The following ARHGAP24 variants were observed in gnomAD, a reference collection of about 807,000 sequenced individuals.
The protein encoded by ARHGAP24 is rho GTPase-activating protein 24.
A neutral mutation model predicts 76.4 loss-of-function variants in ARHGAP24; 50 were observed. That is an observed-to-expected ratio of 0.65 (90% CI 0.52 to 0.83). The LOEUF is 0.83. ARHGAP24 is among the 40% of genes least tolerant of loss of function. The pLI is 0.00. For synonymous variants in ARHGAP24, 345 were observed against 323.3 expected (o/e 1.07, Z -0.72); for missense variants, 930 against 914.2 (o/e 1.02, Z -0.22).
chr4:85,871,744 C>T (rs927515108), intron 3 of ARHGAP24, among the ~76,000 whole-genome samples: 6 of 152,084 alleles, frequency 3.9e-5, no homozygotes, highest in African/African-American at 1.4e-4. Context: ...AACTGAGGGG[C>T]CTTGAAGCTT....
At position 85,971,990 on chromosome 4, in the gene ARHGAP24, T is replaced by C. The variant is rs561381979; in HGVS notation, c.600-46T>C. On this transcript the variant is annotated intron_variant, in intron 5 of 9. Transcript: ENST00000395184. ...TCTTGAAAAACAATAAATAGAATGG[T>C]ATGAAGTTTACTCCAAAGAATATCT... 1,407 of 1,613,662 alleles carry C rather than the reference T, an allele frequency of 8.7e-4. 20 individuals are homozygous for C. The South Asian group carries it at 0.015, about 17-fold the overall frequency.
chr4:85,601,110 C>A (rs1560547934), intron 2 of ARHGAP24, among the ~76,000 whole-genome samples: 1 of 152,070 alleles, frequency 6.6e-6, no homozygotes, highest in Non-Finnish European at 1.5e-5. Context: ...TCTAAAGAGA[C>A]TTTTATTTCA....
intron 3 of ARHGAP24, among the ~76,000 whole-genome samples, chr4:85,888,299 C>T (rs374154707): frequency 6.6e-6 from 1 of 150,802 alleles, no homozygotes; most frequent in Non-Finnish European, 1.5e-5. Flanking sequence ...ACTTGGGAGG[C>T]TGATACAGGA....
At chr4:85,818,059 TA>T (rs1729315863) in intron 3 of ARHGAP24, among the ~76,000 whole-genome samples, 1 of 152,210 alleles carries the variant, frequency 6.6e-6, no homozygotes, top group South Asian at 2.1e-4. Flanking sequence ...GCAGATGGTT[TA>T]AATGACATTA....
In ARHGAP24 at chr4:85,942,211, G is replaced by C. The variant is rs1473315079; in HGVS notation, c.537G>C (p.Gln179His). ...KEEGLFRLPG[Q>H]ANLVKELQDA... ...AGGGTCTCTTTCGACTGCCAGGCCA[G>C]GCTAATCTTGTTAAGGAGCTCCAAG... Residue 179 changes from glutamine (Q) to histidine (H), a missense_variant, in exon 5 of 10, where the codon CAG (glutamine) becomes CAC (histidine). By Grantham distance (24) the Gln-to-His change is conservative. Coordinates refer to ENST00000395184, the MANE Select transcript of ARHGAP24 (RefSeq NM_001025616.3). The C allele has an allele frequency of 1.2e-6, 2 of 1,614,096 alleles. No homozygotes were observed. The highest frequency in any genetic ancestry group is 4.5e-5 in the East Asian group (2 of 44,880).
At chr4:85,742,991 G>T (rs1725880649) in intron 3 of ARHGAP24, among the ~76,000 whole-genome samples, 1 of 152,122 alleles carries the variant, frequency 6.6e-6, no homozygotes, top group Admixed American at 6.5e-5. Context: ...CCTGGAGATG[G>T]AAGTTCTGAA....
chr4:86,000,329 T>C, intron 9 of ARHGAP24, 150 bp from the exon 10 acceptor site: 1 of 675,338 alleles, frequency 1.5e-6, no homozygotes, highest in Non-Finnish European at 2.6e-6. Flanking sequence ...TTACATCCTT[T>C]AAATCATTGA....
rs1274892767 is a variant in ARHGAP24 at position 85,644,265 on chromosome 4, G to A, written c.180+73544G>A. ...CATAAGAACTGCTTGATAATGATCAGATGTTAGCATGATTAGTACTTGGAG... is the reference window on the plus strand; with the variant it reads ...CATAAGAACTGCTTGATAATGATCAAATGTTAGCATGATTAGTACTTGGAG... On this transcript the variant is annotated intron_variant, in intron 2 of 9. Coordinates refer to ENST00000395184, the MANE Select transcript of ARHGAP24 (RefSeq NM_001025616.3). Among the ~76,000 whole-genome samples, 4 of 152,276 alleles carry A rather than the reference G, an allele frequency of 2.6e-5. No homozygotes were observed. In the East Asian group the frequency reaches 7.7e-4, roughly 29 times the overall value.
chr4:85,742,703 T>G (rs905009900), intron 3 of ARHGAP24, among the ~76,000 whole-genome samples: 2 of 152,216 alleles, frequency 1.3e-5, no homozygotes, highest in Admixed American at 6.5e-5. Context: ...GACTCCAAAG[T>G]ATGTGCTGTT....
Position 85,942,219 on chromosome 4 carries a change from T to A in ARHGAP24, c.545T>A (p.Leu182His), listed in dbSNP as rs1736994267. 1.2e-6 allele frequency: 2 copies of A among 1,613,996 alleles called. No homozygotes were observed. Among genetic ancestry groups the A allele is most frequent in the Admixed American group, 3.3e-5 (2 of 60,000 alleles). The change falls in exon 5 of 10, where the codon CTT becomes CAT. Residue 182 changes from leucine (L) to histidine (H), a missense_variant. Leu to His is a moderately conservative substitution (Grantham distance 99). Coordinates refer to ENST00000395184, the MANE Select transcript of ARHGAP24 (RefSeq NM_001025616.3). ...TTTCGACTGCCAGGCCAGGCTAATC[T>A]TGTTAAGGAGCTCCAAGATGCCTTT... ...GLFRLPGQAN[L>H]VKELQDAFDC...
chr4:85,710,303 G>T (rs934604194), intron 2 of ARHGAP24, among the ~76,000 whole-genome samples: 1 of 152,146 alleles, frequency 6.6e-6, no homozygotes, highest in South Asian at 2.1e-4. Context: ...CTAGCCATAT[G>T]CAGGAGATTG....
intron 4 of ARHGAP24, among the ~76,000 whole-genome samples, chr4:85,930,033 C>A (rs898663461): frequency 6.6e-6 from 1 of 152,200 alleles, no homozygotes; most frequent in Admixed American, 6.5e-5. Flanking sequence ...TCCCTCCTCC[C>A]CTCATCCTGT....
chr4:85,506,196 G>T (rs758439874), intron 1 of ARHGAP24, among the ~76,000 whole-genome samples: 1 of 152,128 alleles, frequency 6.6e-6, no homozygotes, highest in African/African-American at 2.4e-5. Flanking sequence ...GCTACATGGG[G>T]GTCAGGGACC....
intron 2 of ARHGAP24, among the ~76,000 whole-genome samples, chr4:85,588,092 G>A (rs930388448): frequency 3.2e-4 from 49 of 152,228 alleles, no homozygotes; most frequent in Admixed American, 2.4e-3. Context: ...GGGAAAACAG[G>A]CCTGTGGGCT....
intron 8 of ARHGAP24, among the ~76,000 whole-genome samples, chr4:85,985,927 A>G (rs899939343): frequency 4.6e-5 from 7 of 152,226 alleles, no homozygotes; most frequent in Non-Finnish European, 1.0e-4. Context: ...TCATTTCAGT[A>G]AAAACTGCAC....
chr4:85,519,370 A>G (rs1325507918), intron 1 of ARHGAP24, among the ~76,000 whole-genome samples: 1 of 152,110 alleles, frequency 6.6e-6, no homozygotes, highest in Non-Finnish European at 1.5e-5. Context: ...CCTTCCCAAC[A>G]TTGATTTTGG....
At chr4:85,839,176 AT>A (rs1730451731) in intron 3 of ARHGAP24, among the ~76,000 whole-genome samples, 1 of 152,234 alleles carries the variant, frequency 6.6e-6, no homozygotes, top group Admixed American at 6.5e-5. Flanking sequence ...AGTAATAATA[AT>A]TGTATAAATT....
At chr4:85,778,657 T>G (rs1001868332) in intron 3 of ARHGAP24, 1 of 981,420 alleles carries the variant, frequency 1.0e-6, no homozygotes. Context: ...TTAAGGTATA[T>G]TTCCTTGTAG....
chr4:85,630,878 GC>G (rs1721135725), intron 2 of ARHGAP24, among the ~76,000 whole-genome samples: 1 of 151,954 alleles, frequency 6.6e-6, no homozygotes, highest in Non-Finnish European at 1.5e-5. Flanking sequence ...ATTTATAGGA[GC>G]TTTTGATGTA....
Sources: allele counts gnomAD v4.1 joint callset (sites outside exome capture counted in the v4.1 genomes callset), GRCh38; gene constraint gnomAD v4.1.1; transcripts MANE v1.5; gene names NCBI Gene and HGNC (gene_info 2026-07-23, HGNC 2026-07-21).